The following GRAMD1C variants were observed in gnomAD, a reference collection of about 807,000 sequenced individuals.
The protein encoded by GRAMD1C is protein Aster-C.
Under a neutral mutation model 97.8 loss-of-function variants are expected in GRAMD1C, and 89 were observed. The ratio of observed to expected loss-of-function variants is 0.91; its 90% CI spans 0.77 to 1.09. GRAMD1C has a LOEUF of 1.09. Ranked by LOEUF, GRAMD1C falls within the 50% of genes least tolerant of loss-of-function variation. GRAMD1C has a pLI of 0.00. For missense variants in GRAMD1C, 740 were observed against 766.4 expected (o/e 0.97, Z 0.41); for synonymous variants, 256 against 267.0 (o/e 0.96, Z 0.40).
intron 1 of GRAMD1C, among the ~76,000 whole-genome samples, chr3:113,843,114 G>A (rs1439740500): frequency 2.4e-5 from 3 of 124,710 alleles, no homozygotes; most frequent in Non-Finnish European, 4.7e-5. Flanking sequence ...TTGCTTTGCC[G>A]GCCAGCCTGG....
chr3:113,849,926 A>ACCC (rs570943730), intron 2 of GRAMD1C, among the ~76,000 whole-genome samples: 3 of 138,650 alleles, frequency 2.2e-5, no homozygotes, highest in Non-Finnish European at 4.7e-5. Flanking sequence ...GGGGGGGCTG[A>ACCC]CCCCCCCACC....
intron 6 of GRAMD1C, chr3:113,890,482 G>GCACT: frequency 2.1e-6 from 1 of 475,184 alleles, no homozygotes; most frequent in Non-Finnish European, 3.7e-6. Flanking sequence ...CTCCCAGGTT[G>GCACT]CACTTTGGCA....
At chr3:113,885,646 TC>T in intron 6 of GRAMD1C, 1 of 1,508,970 alleles carries the variant, frequency 6.6e-7, no homozygotes, top group South Asian at 1.1e-5. Flanking sequence ...GTGGATTTCT[TC>T]CTGGAAGTGG....
chr3:113,947,028 CGTT>C lies in GRAMD1C; in HGVS notation c.*1553_*1555del, dbSNP rs1221396563. The stretch of plus-strand genomic sequence containing the variant: ...AATATTTTTGTGATGTTTATTTAAA[CGTT>C]GTATTTTATAACATACTTCAAGGAA... On this transcript the variant is annotated 3_prime_UTR_variant, in exon 18 of 18. Transcript: ENST00000358160. 7 of 152,136 alleles carry C rather than the reference CGTT, an allele frequency of 4.6e-5. No homozygotes were observed. Among genetic ancestry groups the C allele is most frequent in the African/African-American group, 1.7e-4 (7 of 41,428 alleles). 9.4% of individuals were successfully genotyped at this position (152,136 alleles called of 1,614,324 possible).
At chr3:113,903,498 A>G (rs141975839) in intron 7 of GRAMD1C, among the ~76,000 whole-genome samples, 29 of 152,008 alleles carry the variant, frequency 1.9e-4, no homozygotes, top group African/African-American at 7.0e-4. Context: ...TGGAAATTAG[A>G]TCAGTTGTGC....
intron 1 of GRAMD1C, among the ~76,000 whole-genome samples, chr3:113,843,749 C>T (rs901477093): frequency 6.6e-6 from 1 of 152,208 alleles, no homozygotes; most frequent in Admixed American, 6.5e-5. Context: ...TGAGCCACCT[C>T]GCACAGCTGG....
chr3:113,837,790 C>A (rs138315743), upstream of GRAMD1C, among the ~76,000 whole-genome samples: 11 of 152,190 alleles, frequency 7.2e-5, no homozygotes, highest in African/African-American at 2.7e-4. Flanking sequence ...CGCCAGTAGT[C>A]CCAGCTACTC....
chr3:113,915,358 C>T (rs1936772262), intron 9 of GRAMD1C, among the ~76,000 whole-genome samples: 1 of 152,142 alleles, frequency 6.6e-6, no homozygotes, highest in African/African-American at 2.4e-5. Context: ...CTATATTGTC[C>T]TTGTCCCTTT....
intron 6 of GRAMD1C, among the ~76,000 whole-genome samples, chr3:113,895,493 G>A (rs4682145): frequency 0.2 from 30,694 of 151,942 alleles, 3,090 homozygotes; most frequent in Middle Eastern, 0.24. Flanking sequence ...TTCTCCTTTA[G>A]CCTGCGCAAC....
intron 9 of GRAMD1C, among the ~76,000 whole-genome samples, chr3:113,913,349 A>C (rs1166824652): frequency 6.6e-6 from 1 of 150,676 alleles, no homozygotes; most frequent in Non-Finnish European, 1.5e-5. Flanking sequence ...ATGTGAGGAA[A>C]GCCCATCTCT....
intron 8 of GRAMD1C, among the ~76,000 whole-genome samples, chr3:113,907,477 G>C (rs1284666074): frequency 6.6e-6 from 1 of 152,056 alleles, no homozygotes; most frequent in African/African-American, 2.4e-5. Context: ...GATGTTTTCA[G>C]GTTATAGAAT....
chr3:113,927,144 T>G (rs1937257096), intron 10 of GRAMD1C, among the ~76,000 whole-genome samples: 1 of 151,926 alleles, frequency 6.6e-6, no homozygotes, highest in Admixed American at 6.6e-5. Context: ...TGTTTTGGGC[T>G]GTGATCTAGT....
chr3:113,829,650 T>C (rs1709532795), intron 1 of GRAMD1C, among the ~76,000 whole-genome samples: 1 of 152,228 alleles, frequency 6.6e-6, no homozygotes, highest in Non-Finnish European at 1.5e-5. Flanking sequence ...TTTTCATGTT[T>C]GCTTTATTTA....
chr3:113,849,846 T>TC (rs975084550), intron 2 of GRAMD1C, among the ~76,000 whole-genome samples: 1 of 151,996 alleles, frequency 6.6e-6, no homozygotes, highest in Non-Finnish European at 1.5e-5. Context: ...GCAGAGGGGC[T>TC]CCTCACTTCC....
At chr3:113,845,142 T>C (rs1933555272) in intron 2 of GRAMD1C, among the ~76,000 whole-genome samples, 1 of 152,254 alleles carries the variant, frequency 6.6e-6, no homozygotes, top group African/African-American at 2.4e-5. Context: ...GTAATCTGGA[T>C]GTGCTTCAGG....
upstream of GRAMD1C, among the ~76,000 whole-genome samples, chr3:113,834,005 A>G (rs777399321): frequency 2.0e-5 from 3 of 152,070 alleles, no homozygotes; most frequent in Non-Finnish European, 4.4e-5. Flanking sequence ...ATTGATGATG[A>G]TTTGTTTTCA....
intron 10 of GRAMD1C, among the ~76,000 whole-genome samples, chr3:113,924,512 A>T (rs1019319499): frequency 2.6e-5 from 4 of 152,140 alleles, no homozygotes; most frequent in African/African-American, 9.7e-5. Flanking sequence ...GTTCTGCCTT[A>T]ATTTCATTGT....
intron 10 of GRAMD1C, among the ~76,000 whole-genome samples, chr3:113,917,616 C>T (rs1936873118): frequency 6.6e-6 from 1 of 151,960 alleles, no homozygotes; most frequent in Non-Finnish European, 1.5e-5. Flanking sequence ...GCCACTGCAC[C>T]CAGCCGCAAT....
At chr3:113,898,169 CAAAT>C (rs1275512875) in intron 6 of GRAMD1C, among the ~76,000 whole-genome samples, 4 of 152,056 alleles carry the variant, frequency 2.6e-5, no homozygotes, top group African/African-American at 7.2e-5. Flanking sequence ...TTTATGTAGT[CAAAT>C]AAAATTACAT....
Sources: gnomAD v4.1 joint callset for allele counts (sites outside exome capture counted in the v4.1 genomes callset) on GRCh38, gnomAD v4.1.1 for gene constraint, MANE v1.5 for transcripts, NCBI Gene and HGNC (gene_info 2026-07-23, HGNC 2026-07-21) for gene names.